Variants in TEX15 observed in about 807,000 individuals in gnomAD.
The protein encoded by TEX15 is testis expressed 15, meiosis and synapsis associated.
A neutral mutation model predicts 237.3 loss-of-function variants in TEX15; 171 were observed. The ratio of observed to expected loss-of-function variants is 0.72; its 90% CI spans 0.64 to 0.82. The LOEUF is 0.82. TEX15 is among the 40% of genes least tolerant of loss of function. TEX15 has a pLI of 0.00. For synonymous variants in TEX15, 1,338 were observed against 1,269.8 expected, an observed-to-expected ratio of 1.05 and a Z score of -1.14; for missense variants, 3,750 against 3,646.5, an observed-to-expected ratio of 1.03 and a Z score of -0.73.
At chr8:30,836,663 T>G in intron 10 of TEX15, 140 bp downstream of exon 10, 1 of 782,310 alleles carries the variant, frequency 1.3e-6, no homozygotes, top group South Asian at 2.0e-5. Context: ...CCCAATCCAT[T>G]GGCAATTCTA....
intron 2 of TEX15, among the ~76,000 whole-genome samples, chr8:30,890,271 G>A (rs1470046456): frequency 1.3e-5 from 2 of 151,662 alleles, no homozygotes; most frequent in Non-Finnish European, 2.9e-5. Flanking sequence ...AACTTTAAGC[G>A]AATACATTTA....
rs953247528 is a variant in TEX15, at chr8:30,871,026, T to G, written c.303-3524A>C. The stretch of plus-strand genomic sequence containing the variant: ...TGGCTCATAATCTCCTTTTTTCATC[T>G]TCAAAGCCAGAAAAGGCAAGCTGAG... On this transcript the variant is annotated intron_variant, in intron 4 of 10. Coordinates refer to ENST00000643185, the MANE Select transcript of TEX15 (RefSeq NM_001350162.2). Among the ~76,000 whole-genome samples the G allele has an allele frequency of 6.6e-5, 10 of 152,172 alleles. No homozygotes were observed. In the South Asian group the frequency reaches 1.5e-3, roughly 22 times the overall value.
chr8:30,902,827 G>A (rs1809032025), intron 1 of TEX15, among the ~76,000 whole-genome samples: 1 of 152,106 alleles, frequency 6.6e-6, no homozygotes, highest in Admixed American at 6.5e-5. Flanking sequence ...GAAGAGAAAC[G>A]ACAGTTTGAG....
intron 8 of TEX15, 75 bp downstream of exon 8, chr8:30,841,929 A>G: frequency 9.5e-7 from 1 of 1,049,384 alleles, no homozygotes. Context: ...AATTCTGCAA[A>G]CTACTTGTTT....
chr8:30,906,157 T>C (rs1219673983), intron 1 of TEX15, among the ~76,000 whole-genome samples: 2 of 152,236 alleles, frequency 1.3e-5, no homozygotes, highest in African/African-American at 4.8e-5. Context: ...TATTAATGTA[T>C]GTTTAATCAA....
Position 30,849,162 on chromosome 8 carries a change from G to T in TEX15, c.1005C>A (p.Phe335Leu), listed in dbSNP as rs1342526523. 6.4e-7 allele frequency: 1 copy of T among 1,551,812 alleles called. No individual in the cohort carries two copies. The highest frequency in any genetic ancestry group is 8.7e-7 in the Non-Finnish European group (1 of 1,151,134). ...CNALNSEINP[F>L]ISNISNSYGN... Reference sequence around the variant, plus strand: ...CATAGGAGTTAGAAATATTTGAGATGAAAGGATTTATCTCTGAATTTAGTG... The same window carrying T: ...CATAGGAGTTAGAAATATTTGAGATTAAAGGATTTATCTCTGAATTTAGTG... The change falls in exon 8 of 11, where the codon TTC becomes TTA. Residue 335 changes from phenylalanine (F) to leucine (L), a missense_variant. By Grantham distance (22) the Phe-to-Leu change is conservative. Coordinates refer to ENST00000643185, the MANE Select transcript of TEX15 (RefSeq NM_001350162.2).
At chr8:30,838,601 T>G (rs1458943148) in intron 9 of TEX15, among the ~76,000 whole-genome samples, 1 of 151,250 alleles carries the variant, frequency 6.6e-6, no homozygotes, top group Non-Finnish European at 1.5e-5. Context: ...AATTATTAGC[T>G]AAATTCAGAC....
At chr8:30,868,312 T>G (rs1019779441) in intron 4 of TEX15, among the ~76,000 whole-genome samples, 8 of 152,014 alleles carry the variant, frequency 5.3e-5, no homozygotes, top group African/African-American at 1.9e-4. Context: ...GATTAGATAT[T>G]CTATATGGCT....
chr8:30,909,225 A>G (rs896734246), intron 1 of TEX15, among the ~76,000 whole-genome samples: 4 of 151,916 alleles, frequency 2.6e-5, no homozygotes, highest in African/African-American at 9.7e-5. Flanking sequence ...CCTCAGATAA[A>G]CCTTAAAAAT....
chr8:30,844,860 T>C lies in TEX15; in HGVS notation c.5307A>G (p.Thr1769=), dbSNP rs371015641. ...GGCAATTACCTGAAGAGCACTGTTC[T>C]GTCTTTAGAAGCTCTTTTTCTCTAC... is the stretch of plus-strand genomic sequence containing the variant. ...QSCREKELLK[T]EQCSSGNCLH... The change falls in exon 8 of 11, where the codon ACA becomes ACG. Residue 1769 remains threonine (T), a synonymous_variant. Transcript: ENST00000643185. 3 of 1,613,432 alleles carry C rather than the reference T, an allele frequency of 1.9e-6. No homozygotes were observed. Among genetic ancestry groups the C allele is most frequent in the Non-Finnish European group, 2.5e-6 (3 of 1,179,608 alleles).
Position 30,887,306 on chromosome 8 carries a change from G to A in TEX15, c.-4C>T. ...TAGCAGTTTCTTTCATTTCCATTTTGTTGGCCTAAAATCAACCCAAGGTTA... is the reference window on the plus strand; with the variant it reads ...TAGCAGTTTCTTTCATTTCCATTTTATTGGCCTAAAATCAACCCAAGGTTA... On this transcript the variant is annotated 5_prime_UTR_variant, in exon 3 of 11. An upstream open reading frame in the 5' UTR gains an earlier in-frame stop. Transcript: ENST00000643185. 1 of 1,528,624 alleles carries A rather than the reference G, an allele frequency of 6.5e-7. No individual in the cohort carries two copies. The highest frequency in any genetic ancestry group is 8.7e-7 in the Non-Finnish European group (1 of 1,144,400). 94.7% of individuals were successfully genotyped at this position (1,528,624 alleles called of 1,614,324 possible).
In TEX15 at chr8:30,847,334, T is replaced by C. The variant is rs1807643448; in HGVS notation, c.2833A>G (p.Thr945Ala). 1.2e-6 allele frequency: 2 copies of C among 1,613,784 alleles called. No individual in the cohort carries two copies. The highest frequency in any genetic ancestry group is 2.2e-5 in the South Asian group (2 of 91,084). Residue 945 changes from threonine (T) to alanine (A), a missense_variant, in exon 8 of 11, where the codon ACC becomes GCC. By Grantham distance (58) the Thr-to-Ala change is moderately conservative. Coordinates refer to ENST00000643185, the MANE Select transcript of TEX15 (RefSeq NM_001350162.2). Reference sequence around the variant, plus strand: ...TCTTTTTGTTTCACGGCACTAATGGTATCTTCTTCACTCTCTAATAATGCA... The same window carrying C: ...TCTTTTTGTTTCACGGCACTAATGGCATCTTCTTCACTCTCTAATAATGCA... Reference protein sequence around the residue: ...ATALLESEEDTISAVKQKDTE... With the variant: ...ATALLESEEDAISAVKQKDTE...
At chr8:30,878,096 C>CTTTTTTTT (rs36096573) in intron 3 of TEX15, among the ~76,000 whole-genome samples, 66 of 118,204 alleles carry the variant, frequency 5.6e-4, no homozygotes, top group African/African-American at 1.1e-3. Context: ...GTAAAGATTG[C>CTTTTTTTT]TTTTTTTTTT....
intron 3 of TEX15, among the ~76,000 whole-genome samples, chr8:30,878,322 G>A (rs1022980423): frequency 3.3e-5 from 5 of 151,810 alleles, no homozygotes. Flanking sequence ...ATCATTTTTT[G>A]TTTGCCAGAG....
intron 4 of TEX15, among the ~76,000 whole-genome samples, chr8:30,869,820 T>C (rs372367355): frequency 3.3e-5 from 5 of 152,132 alleles, no homozygotes; most frequent in African/African-American, 1.2e-4. Context: ...TTCACCTGCT[T>C]GATAACGTAA....
chr8:30,862,776 C>G (rs1420890274), intron 5 of TEX15, among the ~76,000 whole-genome samples: 3 of 151,918 alleles, frequency 2.0e-5, no homozygotes, highest in African/African-American at 7.3e-5. Flanking sequence ...CTTTTCTTCC[C>G]CACTTAGATT....
chr8:30,851,829 G>C (rs1807793368), intron 7 of TEX15, among the ~76,000 whole-genome samples: 2 of 152,036 alleles, frequency 1.3e-5, no homozygotes, highest in South Asian at 4.2e-4. Flanking sequence ...AGTTACTTGG[G>C]AGGCTGAGGT....
At chr8:30,841,492 C>G (rs73672571) in intron 8 of TEX15, among the ~76,000 whole-genome samples, 1 of 152,272 alleles carries the variant, frequency 6.6e-6, no homozygotes, top group African/African-American at 2.4e-5. Flanking sequence ...ATATTAAATG[C>G]TTTAGACAAT....
intron 9 of TEX15, 35 bp downstream of exon 9, chr8:30,839,871 T>C (rs749616212): frequency 2.7e-6 from 4 of 1,492,800 alleles, no homozygotes; most frequent in East Asian, 4.7e-5. Context: ...TTTTGTTCAA[T>C]TTTTTTTCCA....
Sources: gnomAD v4.1 joint callset for allele counts (sites outside exome capture counted in the v4.1 genomes callset) on GRCh38, gnomAD v4.1.1 for gene constraint, MANE v1.5 for transcripts, NCBI Gene and HGNC (gene_info 2026-07-23, HGNC 2026-07-21) for gene names.